Variants in DCUN1D5 observed in about 807,000 individuals in gnomAD.
DCUN1D5 encodes DCN1-like protein 5.
In DCUN1D5, 10 loss-of-function variants were observed where a neutral mutation model predicts 38.3. The ratio of observed to expected loss-of-function variants is 0.26; its 90% CI spans 0.16 to 0.44. The LOEUF (loss-of-function observed/expected upper bound fraction) is 0.44, where lower values mean the gene tolerates loss of function less well. DCUN1D5 is among the 20% of genes least tolerant of loss of function. The pLI is 1.00. For missense variants in DCUN1D5, 148 were observed against 275.3 expected, an observed-to-expected ratio of 0.54 and a Z score of 3.27; for synonymous variants, 93 against 90.9, an observed-to-expected ratio of 1.02 and a Z score of -0.13.
Position 103,064,093 on chromosome 11 carries a change from A to G in DCUN1D5, c.658+182T>C, listed in dbSNP as rs914837343. ...CTGAAAACATTTCATTTACCAGCAT[A>G]GATTTTATATAATACTGCTGAATCT... On this transcript the variant is annotated intron_variant, in intron 7 of 7. Coordinates refer to ENST00000260247, the MANE Select transcript of DCUN1D5 (RefSeq NM_032299.4). The surrounding 1 kb of genome is among the most constrained non-coding windows in gnomAD (Gnocchi z 4.5). 6.6e-6 allele frequency among the ~76,000 whole-genome samples: 1 copy of G among 152,192 alleles called. No individual in the cohort carries two copies. Among genetic ancestry groups the G allele is most frequent in the African/African-American group, 2.4e-5 (1 of 41,470 alleles).
intron 4 of DCUN1D5, 81 bp downstream of exon 4, chr11:103,082,667 T>G: frequency 1.1e-6 from 1 of 912,148 alleles, no homozygotes; most frequent in South Asian, 1.5e-5. Context: ...GAAACCTTAC[T>G]CCTGAAAATT....
In DCUN1D5 at chr11:103,062,923, T is replaced by C. The variant is rs1333444796; in HGVS notation, c.659-509A>G. Among the ~76,000 whole-genome samples the C allele has an allele frequency of 1.3e-5, 2 of 152,110 alleles. No homozygotes were observed. Among genetic ancestry groups the C allele is most frequent in the Non-Finnish European group, 2.9e-5 (2 of 67,972 alleles). On this transcript the variant is annotated intron_variant, in intron 7 of 7. Coordinates refer to ENST00000260247, the MANE Select transcript of DCUN1D5 (RefSeq NM_032299.4). The surrounding 1 kb of genome is among the most constrained non-coding windows in gnomAD (Gnocchi z 4.6). The stretch of plus-strand genomic sequence containing the variant: ...AGTACTATTCTAAAACATATATTTT[T>C]ATAACGTAGGGGAGGTCCAAACTCA...
rs1862131167 is a variant in DCUN1D5, at chr11:103,066,216, T to C, written c.555+53A>G. The C allele has an allele frequency of 1.2e-5, 14 of 1,201,170 alleles. No individual in the cohort carries two copies. The South Asian group carries it at 1.9e-4, about 16-fold the overall frequency. The allele number at this position is 1,201,170 out of a possible 1,614,324, so 74.4% of individuals were successfully genotyped here. On this transcript the variant is annotated intron_variant, in intron 6 of 7. Coordinates refer to ENST00000260247, the MANE Select transcript of DCUN1D5 (RefSeq NM_032299.4). The surrounding 1 kb of genome is among the most constrained non-coding windows in gnomAD (Gnocchi z 4.7). ...TCTACTTGTTCCTCAAAAGTATAAC[T>C]TTCAGATTAAGTTTTAAAATAATAT...
chr11:103,085,076 T>A (rs1369005276), intron 2 of DCUN1D5, among the ~76,000 whole-genome samples: 1 of 152,144 alleles, frequency 6.6e-6, no homozygotes, highest in Non-Finnish European at 1.5e-5. Flanking sequence ...TTCTAAAGCA[T>A]CAAGAAAACA....
chr11:103,067,775 CT>C (rs1341925303), intron 4 of DCUN1D5, among the ~76,000 whole-genome samples: 1 of 152,066 alleles, frequency 6.6e-6, no homozygotes, highest in African/African-American at 2.4e-5. Context: ...TTATACATTG[CT>C]GGATTTTGGG....
rs1333211418 is a variant in DCUN1D5, at chr11:103,056,523, C to T, written c.*5836G>A. 6.6e-6 allele frequency among the ~76,000 whole-genome samples: 1 copy of T among 152,194 alleles called. No individual in the cohort carries two copies. Among genetic ancestry groups the T allele is most frequent in the African/African-American group, 2.4e-5 (1 of 41,438 alleles). On this transcript the variant is annotated 3_prime_UTR_variant, in exon 8 of 8. Coordinates refer to ENST00000260247, the MANE Select transcript of DCUN1D5 (RefSeq NM_032299.4). This position sits in a 1 kb window ranked among gnomAD's most constrained non-coding sequence, Gnocchi z 4.9. ...TTAATAGTAATCCTATCCTCACACACTCTCTGGGCCCCTTCCTCAACTTAC... is the reference window on the plus strand; with the variant it reads ...TTAATAGTAATCCTATCCTCACACATTCTCTGGGCCCCTTCCTCAACTTAC...
chr11:103,068,636 G>A (rs1862194673), intron 4 of DCUN1D5, among the ~76,000 whole-genome samples: 1 of 152,090 alleles, frequency 6.6e-6, no homozygotes, highest in Non-Finnish European at 1.5e-5. Flanking sequence ...TAAATGATGT[G>A]AACTTATGAA....
rs192381731 is a variant in DCUN1D5 at position 103,087,697 on chromosome 11, T to G, written c.178+1530A>C. Among the ~76,000 whole-genome samples the G allele has an allele frequency of 1.3e-5, 2 of 152,246 alleles. No homozygotes were observed. The highest frequency in any genetic ancestry group is 3.9e-4 in the East Asian group (2 of 5,172). Reference sequence around the variant, plus strand: ...GGTGGTGATAATACTACCTACTTAATAGAACAGTCACAAGAAAAAATAATA... The same window carrying G: ...GGTGGTGATAATACTACCTACTTAAGAGAACAGTCACAAGAAAAAATAATA... On this transcript the variant is annotated intron_variant, in intron 2 of 7. Coordinates refer to ENST00000260247, the MANE Select transcript of DCUN1D5 (RefSeq NM_032299.4). This position sits in a 1 kb window ranked among gnomAD's most constrained non-coding sequence, Gnocchi z 4.1.
intron 4 of DCUN1D5, among the ~76,000 whole-genome samples, chr11:103,080,594 G>C (rs1406369251): frequency 6.6e-6 from 1 of 152,152 alleles, no homozygotes; most frequent in African/African-American, 2.4e-5. Flanking sequence ...TATTATTCTG[G>C]GCAAATGGGA....
Position 103,082,396 on chromosome 11 carries a change from C to T in DCUN1D5, c.341+352G>A, listed in dbSNP as rs749851225. On this transcript the variant is annotated intron_variant, in intron 4 of 7. Coordinates refer to ENST00000260247, the MANE Select transcript of DCUN1D5 (RefSeq NM_032299.4). ...GGCCCTAGAGCTTAGGGCTGCCCAA[C>T]GAACATACTCCTTCGATAGTAGAAT... 8.6e-5 allele frequency among the ~76,000 whole-genome samples: 13 copies of T among 152,020 alleles called. 1 individual carries two copies. Among genetic ancestry groups the T allele is most frequent in the Non-Finnish European group, 1.5e-4 (10 of 67,898 alleles).
At chr11:103,072,149 C>T (rs982035782) in intron 4 of DCUN1D5, among the ~76,000 whole-genome samples, 1 of 151,924 alleles carries the variant, frequency 6.6e-6, no homozygotes, top group African/African-American at 2.4e-5. Context: ...AGATGGGGAA[C>T]AAGGAAAAGA....
rs780264370 is a variant in DCUN1D5, at chr11:103,060,434, T to G, written c.*1925A>C. Among the ~76,000 whole-genome samples the G allele has an allele frequency of 6.6e-6, 1 of 151,902 alleles. No individual in the cohort carries two copies. The highest frequency in any genetic ancestry group is 1.5e-5 in the Non-Finnish European group (1 of 67,984). On this transcript the variant is annotated 3_prime_UTR_variant, in exon 8 of 8. Coordinates refer to ENST00000260247, the MANE Select transcript of DCUN1D5 (RefSeq NM_032299.4). ...TTTTAAACCAAACATGGATTGAAAA[T>G]ACAGTATTCCCGGGATGCGACACCT...
At position 103,065,000 on chromosome 11, in the gene DCUN1D5, G is replaced by C. The variant is rs1862100183; in HGVS notation, c.556-623C>G. ...ATTTAGTTCTTCTCAGCTCCCCATA[G>C]AGCTGAATATTTTTACATTCAGTTA... is the stretch of plus-strand genomic sequence containing the variant. On this transcript the variant is annotated intron_variant, in intron 6 of 7. Transcript: ENST00000260247. This position sits in a 1 kb window ranked among gnomAD's most constrained non-coding sequence, Gnocchi z 4.5. Among the ~76,000 whole-genome samples the C allele has an allele frequency of 6.6e-6, 1 of 152,080 alleles. No homozygotes were observed. The highest frequency in any genetic ancestry group is 1.5e-5 in the Non-Finnish European group (1 of 68,004).
intron 2 of DCUN1D5, 41 bp downstream of exon 2, chr11:103,089,186 T>A: frequency 6.3e-7 from 1 of 1,587,626 alleles, no homozygotes; most frequent in Non-Finnish European, 8.6e-7. Flanking sequence ...ATAAACTTTT[T>A]AAAGCATATG....
Position 103,056,623 on chromosome 11 carries a change from C to T in DCUN1D5, c.*5736G>A, listed in dbSNP as rs567208314. Among the ~76,000 whole-genome samples the T allele has an allele frequency of 2.0e-5, 3 of 152,112 alleles. No homozygotes were observed. Among genetic ancestry groups the T allele is most frequent in the African/African-American group, 4.8e-5 (2 of 41,430 alleles). ...TTAAAATAAAAATCCCATAAAGGTT[C>T]GAAATTACTGTCTTGCTTCGTGCCC... On this transcript the variant is annotated 3_prime_UTR_variant, in exon 8 of 8. Transcript: ENST00000260247. This position sits in a 1 kb window ranked among gnomAD's most constrained non-coding sequence, Gnocchi z 4.9.
chr11:103,089,145 T>TA (rs1353428618), intron 2 of DCUN1D5, 82 bp downstream of exon 2: 181 of 1,380,524 alleles, frequency 1.3e-4, no homozygotes, highest in Non-Finnish European at 1.7e-4. Context: ...AGCAGGCCTG[T>TA]AACAGATAAT....
rs921626662 is a variant in DCUN1D5, at chr11:103,052,285, GTCAT to G, written c.*10070_*10073del. 14 of 152,106 alleles carry G rather than the reference GTCAT, an allele frequency of 9.2e-5. No individual in the cohort carries two copies. Among genetic ancestry groups the G allele is most frequent in the African/African-American group, 3.1e-4 (13 of 41,410 alleles). 9.4% of individuals were successfully genotyped at this position (152,106 alleles called of 1,614,324 possible). ...TTTTACAGACATATGTGTACAATTG[GTCAT>G]TCATTCATTAATTCAGTAAGCAAAC... On this transcript the variant is annotated 3_prime_UTR_variant, in exon 8 of 8. Transcript: ENST00000260247.
Position 103,058,327 on chromosome 11 carries a change from G to GT in DCUN1D5, c.*4031dup, listed in dbSNP as rs1861927634. Reference sequence around the variant, plus strand: ...GAAACACTATCTGTACTAATAGAATGTAAAAGATTGTAAGGTGGACACAGC... The same window carrying GT: ...GAAACACTATCTGTACTAATAGAATGTTAAAAGATTGTAAGGTGGACACAGC... On this transcript the variant is annotated 3_prime_UTR_variant, in exon 8 of 8. Transcript: ENST00000260247. Among the ~76,000 whole-genome samples, 1 of 152,174 alleles carries GT rather than the reference G, an allele frequency of 6.6e-6. No homozygotes were observed. The highest frequency in any genetic ancestry group is 2.4e-5 in the African/African-American group (1 of 41,456).
At chr11:103,085,409 C>T (rs1365797783) in intron 2 of DCUN1D5, among the ~76,000 whole-genome samples, 1 of 151,920 alleles carries the variant, frequency 6.6e-6, no homozygotes, top group Non-Finnish European at 1.5e-5. Flanking sequence ...TGCACTCCAG[C>T]GTAGGTGACA....
Sources: gnomAD v4.1 joint callset for allele counts (sites outside exome capture counted in the v4.1 genomes callset) on GRCh38, gnomAD v4.1.1 for gene constraint, Gnocchi (gnomAD v3.1) non-coding constraint, MANE v1.5 for transcripts, NCBI Gene and HGNC (gene_info 2026-07-23, HGNC 2026-07-21) for gene names.